Variants in SULT2B1 observed in about 807,000 individuals in gnomAD.
SULT2B1 encodes sulfotransferase 2B1.
A neutral mutation model predicts 33.2 loss-of-function variants in SULT2B1; 16 were observed. The observed-to-expected ratio is 0.48, with a 90% confidence interval of 0.33 to 0.73. The LOEUF is 0.73. Ranked by LOEUF, SULT2B1 falls within the 30% of genes least tolerant of loss-of-function variation. The probability of loss-of-function intolerance (pLI) is 0.02; values close to 1 mark genes in which losing one functional copy is unlikely to be tolerated. For missense variants in SULT2B1, 500 were observed against 506.0 expected, an observed-to-expected ratio of 0.99 and a Z score of 0.11; for synonymous variants, 186 against 200.5, an observed-to-expected ratio of 0.93 and a Z score of 0.61.
intron 1 of SULT2B1, among the ~76,000 whole-genome samples, chr19:48,568,852 C>A (rs80063723): frequency 0.1 from 15,555 of 151,676 alleles, 936 homozygotes; most frequent in Non-Finnish European, 0.14. Context: ...GCTCCAGTCC[C>A]ACTCAGGCCC....
At chr19:48,593,161 G>A (rs940175108) in intron 5 of SULT2B1, among the ~76,000 whole-genome samples, 5 of 152,120 alleles carry the variant, frequency 3.3e-5, no homozygotes, top group South Asian at 2.1e-4. Flanking sequence ...AGCCTGAGGC[G>A]GGAGGACCCC....
At position 48,592,679 on chromosome 19, in the gene SULT2B1, C is replaced by G. The variant is rs754737710; in HGVS notation, c.551-43C>G. On this transcript the variant is annotated intron_variant, in intron 4 of 6. Coordinates refer to ENST00000201586, the MANE Select transcript of SULT2B1 (RefSeq NM_177973.2). ...ATGAGCCCCAGTGGGGCTGGGGGAA[C>G]CCCGCCACTCAGCCCTCACCCCACT... 2.0e-6 allele frequency: 3 copies of G among 1,526,212 alleles called. No individual in the cohort carries two copies. The South Asian group carries it at 3.6e-5, about 18-fold the overall frequency. 94.5% of individuals were successfully genotyped at this position (1,526,212 alleles called of 1,614,324 possible). A position where few individuals can be genotyped will look rare whatever the true frequency, so the allele number is the denominator to read the frequency against.
chr19:48,597,979 A>G (rs1973743295), intron 6 of SULT2B1, among the ~76,000 whole-genome samples: 1 of 151,874 alleles, frequency 6.6e-6, no homozygotes, highest in African/African-American at 2.4e-5. Flanking sequence ...TTCTATAGGG[A>G]CCCAGGTGAT....
chr19:48,554,412 G>A (rs1482933568), intron 1 of SULT2B1, among the ~76,000 whole-genome samples: 3 of 92,730 alleles, frequency 3.2e-5, no homozygotes, highest in African/African-American at 4.5e-5. Flanking sequence ...CCCTCTGCTC[G>A]CCCCCAGCCT....
At chr19:48,578,801 G>A (rs188021450) in intron 2 of SULT2B1, among the ~76,000 whole-genome samples, 5 of 151,988 alleles carry the variant, frequency 3.3e-5, no homozygotes, top group South Asian at 2.1e-4. Context: ...GCTTGGAACC[G>A]GGGGGTAGAG....
chr19:48,582,685 A>G (rs1217680481), intron 2 of SULT2B1, among the ~76,000 whole-genome samples: 5 of 151,988 alleles, frequency 3.3e-5, no homozygotes, highest in Non-Finnish European at 7.4e-5. Flanking sequence ...TCTACTAAAA[A>G]TACAAAAATT....
intron 1 of SULT2B1, among the ~76,000 whole-genome samples, chr19:48,553,136 A>G (rs888855319): frequency 1.3e-5 from 2 of 152,026 alleles, no homozygotes; most frequent in African/African-American, 4.8e-5. Context: ...GAGGGCAGGC[A>G]GCCTGCCCCA....
chr19:48,561,633 G>T, intron 1 of SULT2B1, among the ~76,000 whole-genome samples: 1 of 152,092 alleles, frequency 6.6e-6, no homozygotes, highest in East Asian at 1.9e-4. Flanking sequence ...CAGGGAACAA[G>T]CCAAACTGGA....
intron 2 of SULT2B1, among the ~76,000 whole-genome samples, chr19:48,586,518 C>T (rs1032936090): frequency 1.3e-5 from 2 of 152,126 alleles, no homozygotes; most frequent in African/African-American, 4.8e-5. Flanking sequence ...AATAGCCGCA[C>T]ATCACATCGC....
At position 48,592,731 on chromosome 19, in the gene SULT2B1, G is replaced by A; in HGVS notation, c.560G>A (p.Gly187Asp). Residue 187 changes from glycine to aspartate, a missense_variant, in exon 5 of 7, where the codon GGC (glycine) becomes GAC (aspartate). Gly to Asp is a moderately conservative substitution (Grantham distance 94). Transcript: ENST00000201586. The stretch of plus-strand genomic sequence containing the variant: ...GTCCCTCTGCCCACAGTGCAGTTTG[G>A]CTCCTGGTTCGACCACATTAAGGGC... The part of the protein sequence containing the change: ...RDFLKGEVQF[G>D]SWFDHIKGWL... 1 of 1,595,540 alleles carries A rather than the reference G, an allele frequency of 6.3e-7. No individual in the cohort carries two copies. The highest frequency in any genetic ancestry group is 8.5e-7 in the Non-Finnish European group (1 of 1,170,596).
At chr19:48,592,866 C>G (rs760503390) in intron 5 of SULT2B1, 50 bp downstream of exon 5, 2 of 1,460,506 alleles carry the variant, frequency 1.4e-6, no homozygotes, top group African/African-American at 2.8e-5. Flanking sequence ...ACCCTCTGCT[C>G]ACACCCCACA....
At chr19:48,561,394 A>T (rs1379030982) in intron 1 of SULT2B1, among the ~76,000 whole-genome samples, 1 of 152,108 alleles carries the variant, frequency 6.6e-6, no homozygotes, top group Non-Finnish European at 1.5e-5. Context: ...GTGCCATTGC[A>T]CTCCAGCCTG....
chr19:48,583,886 G>C (rs1277665472), intron 2 of SULT2B1, among the ~76,000 whole-genome samples: 2 of 152,118 alleles, frequency 1.3e-5, no homozygotes, highest in African/African-American at 4.8e-5. Context: ...GGCTGAGGCA[G>C]GCAGATCACG....
chr19:48,552,491 G>A lies in SULT2B1; in HGVS notation c.71+168G>A, dbSNP rs529988689. 4.6e-3 allele frequency among the ~76,000 whole-genome samples: 698 copies of A among 152,234 alleles called. 1 individual carries two copies. The highest frequency in any genetic ancestry group is 0.01 in the Middle Eastern group (3 of 294). ...GCTGGGGCATCCAGTGTGGTGTATA[G>A]GTCCCTCCTGAGAAGGGAGTGAGGA... On this transcript the variant is annotated intron_variant, in intron 1 of 6. Coordinates refer to ENST00000201586, the MANE Select transcript of SULT2B1 (RefSeq NM_177973.2). The surrounding 1 kb of genome is among the most constrained non-coding windows in gnomAD (Gnocchi z 4.8).
chr19:48,592,590 G>C lies in SULT2B1; in HGVS notation c.551-132G>C, dbSNP rs1191939667. ...AACTTGGTGGAAATGTGGGGGCTCTGGGGGAGGGCATCCAGCTCTGGGGGC... is the reference window on the plus strand; with the variant it reads ...AACTTGGTGGAAATGTGGGGGCTCTCGGGGAGGGCATCCAGCTCTGGGGGC... On this transcript the variant is annotated intron_variant, in intron 4 of 6. Transcript: ENST00000201586. The C allele has an allele frequency of 4.2e-6, 3 of 716,296 alleles. No individual in the cohort carries two copies. The African/African-American group carries it at 5.3e-5, about 13-fold the overall frequency. The allele number at this position is 716,296 out of a possible 1,614,324, so 44.4% of individuals were successfully genotyped here. A position where few individuals can be genotyped will look rare whatever the true frequency, so the allele number is the denominator to read the frequency against.
chr19:48,558,028 C>T (rs1018136831), intron 1 of SULT2B1, among the ~76,000 whole-genome samples: 5 of 152,182 alleles, frequency 3.3e-5, no homozygotes, highest in Admixed American at 6.6e-5. Context: ...CTGACAAGCC[C>T]AGGATGTTAT....
chr19:48,578,474 T>G (rs1218443017), intron 2 of SULT2B1, among the ~76,000 whole-genome samples: 1 of 151,804 alleles, frequency 6.6e-6, no homozygotes, highest in Non-Finnish European at 1.5e-5. Flanking sequence ...TCCAGCTACT[T>G]GGGAGGCTGA....
intron 3 of SULT2B1, 132 bp from the exon 4 acceptor site, chr19:48,591,477 A>C: frequency 9.0e-7 from 1 of 1,109,470 alleles, no homozygotes; most frequent in Middle Eastern, 2.2e-4. Context: ...CATCGCAAAA[A>C]AAAAAGAGTC....
intron 2 of SULT2B1, among the ~76,000 whole-genome samples, chr19:48,585,735 T>C (rs10418222): frequency 0.32 from 48,090 of 151,340 alleles, 7,725 homozygotes; most frequent in East Asian, 0.44. Context: ...TGTTAAATGA[T>C]GAGTTAATGG....
Sources: allele counts gnomAD v4.1 joint callset (sites outside exome capture counted in the v4.1 genomes callset), GRCh38; gene constraint gnomAD v4.1.1; non-coding constraint Gnocchi (gnomAD v3.1); transcripts MANE v1.5; gene names NCBI Gene and HGNC (gene_info 2026-07-23, HGNC 2026-07-21).